FAR2: variants seen among roughly 807,000 people sequenced by gnomAD.
FAR2 encodes the protein fatty acyl-CoA reductase 2.
In FAR2, 19 loss-of-function variants were observed where a neutral mutation model predicts 56.0. That is an observed-to-expected ratio of 0.34 (90% confidence interval 0.24 to 0.50). The LOEUF (loss-of-function observed/expected upper bound fraction) is 0.50. FAR2 is among the 20% of genes least tolerant of loss of function. The pLI, the probability that FAR2 is intolerant of heterozygous loss-of-function variation, is 0.98. For missense variants in FAR2, 508 were observed against 642.2 expected, an observed-to-expected ratio of 0.79 and a Z score of 2.26; for synonymous variants, 219 against 218.8, an observed-to-expected ratio of 1.00 and a Z score of -0.01.
chr12:29,154,561 A>T (rs190645977), intron 1 of FAR2, among the ~76,000 whole-genome samples: 20 of 152,008 alleles, frequency 1.3e-4, no homozygotes, highest in Admixed American at 1.2e-3. Flanking sequence ...CAGCCTCCTG[A>T]GTAGCTGGGA....
At chr12:29,188,058 T>C (rs535625350) in intron 1 of FAR2, among the ~76,000 whole-genome samples, 2 of 152,348 alleles carry the variant, frequency 1.3e-5, no homozygotes, top group East Asian at 3.9e-4. Context: ...TCTCCCATCC[T>C]CATGCTGGCC....
At chr12:29,285,208 T>TGCCC (rs80195190) in intron 2 of FAR2, among the ~76,000 whole-genome samples, 1 of 151,952 alleles carries the variant, frequency 6.6e-6, no homozygotes, top group Non-Finnish European at 1.5e-5. Context: ...TGTTCATGCT[T>TGCCC]CGCTGTATAA....
chr12:29,281,559 GGA>G (rs1948783599), intron 2 of FAR2: 1 of 152,128 alleles, frequency 6.6e-6, no homozygotes, highest in African/African-American at 2.4e-5. Context: ...GAGTAAAGAC[GGA>G]AACTAATGGG....
At chr12:29,180,434 A>C (rs1000882421) in intron 1 of FAR2, among the ~76,000 whole-genome samples, 1 of 152,064 alleles carries the variant, frequency 6.6e-6, no homozygotes, top group Admixed American at 6.6e-5. Context: ...TCAGGGTCCC[A>C]AACTGCCCTC....
chr12:29,300,080 T>G (rs1227193508), intron 4 of FAR2, among the ~76,000 whole-genome samples: 1 of 152,204 alleles, frequency 6.6e-6, no homozygotes, highest in Non-Finnish European at 1.5e-5. Flanking sequence ...ACTGAATGAA[T>G]GAAAAGCTTT....
chr12:29,310,503 A>C (rs1260996668), intron 6 of FAR2, among the ~76,000 whole-genome samples: 1 of 152,200 alleles, frequency 6.6e-6, no homozygotes, highest in Non-Finnish European at 1.5e-5. Context: ...TCCAAGCCAA[A>C]AAAAAAGTTT....
chr12:29,228,361 C>G (rs1157629850), intron 1 of FAR2, among the ~76,000 whole-genome samples: 1 of 151,688 alleles, frequency 6.6e-6, no homozygotes, highest in Non-Finnish European at 1.5e-5. Context: ...AAATGGCACT[C>G]TTTCTTAGAA....
chr12:29,245,216 G>T (rs1477047198), intron 1 of FAR2, among the ~76,000 whole-genome samples: 1 of 152,126 alleles, frequency 6.6e-6, no homozygotes, highest in Admixed American at 6.5e-5. Flanking sequence ...TCTTGACCTC[G>T]TGATCCGCCC....
At chr12:29,324,958 T>C (rs977399401) in intron 10 of FAR2, among the ~76,000 whole-genome samples, 2 of 151,750 alleles carry the variant, frequency 1.3e-5, no homozygotes, top group African/African-American at 4.8e-5. Context: ...GACTGGCAAA[T>C]TGGATAAAGA....
intron 1 of FAR2, among the ~76,000 whole-genome samples, chr12:29,258,362 G>A (rs1056865889): frequency 3.3e-5 from 5 of 151,592 alleles, no homozygotes; most frequent in Non-Finnish European, 5.9e-5. Flanking sequence ...CTCAAAAAAC[G>A]AAACAAAAAA....
At chr12:29,236,274 T>C (rs1179884617) in intron 1 of FAR2, among the ~76,000 whole-genome samples, 2 of 152,270 alleles carry the variant, frequency 1.3e-5, no homozygotes, top group East Asian at 3.9e-4. Context: ...TGCGCTTTTG[T>C]TACTAAACTT....
At chr12:29,275,636 T>C (rs1398151755) in intron 2 of FAR2, among the ~76,000 whole-genome samples, 1 of 152,164 alleles carries the variant, frequency 6.6e-6, no homozygotes, top group Non-Finnish European at 1.5e-5. Context: ...CCCCTGCTTC[T>C]AGTAGGCCAT....
chr12:29,170,998 G>A (rs567550512), intron 1 of FAR2, among the ~76,000 whole-genome samples: 1 of 152,234 alleles, frequency 6.6e-6, no homozygotes, highest in South Asian at 2.1e-4. Context: ...ATTGCAGTAT[G>A]GGCATGTGGG....
At position 29,261,084 on chromosome 12, in the gene FAR2, A is replaced by G. The variant is rs147156908; in HGVS notation, c.-38-9328A>G. 4.7e-3 allele frequency among the ~76,000 whole-genome samples: 718 copies of G among 152,338 alleles called. 2 individuals are homozygous for G. Among genetic ancestry groups the G allele is most frequent in the African/African-American group, 0.016 (681 of 41,568 alleles). On this transcript the variant is annotated intron_variant, in intron 1 of 11. Coordinates refer to ENST00000536681, the MANE Select transcript of FAR2 (RefSeq NM_001271783.2). Reference sequence around the variant, plus strand: ...ATTACAATAAATACCTGATGCTTAAACATCCAGATACCAAAGAACATCCAC... The same window carrying G: ...ATTACAATAAATACCTGATGCTTAAGCATCCAGATACCAAAGAACATCCAC...
chr12:29,155,095 A>G (rs1949716043), intron 1 of FAR2, among the ~76,000 whole-genome samples: 1 of 152,044 alleles, frequency 6.6e-6, no homozygotes, highest in South Asian at 2.1e-4. Flanking sequence ...CAGTCTGATT[A>G]AAAGCAAAAT....
chr12:29,206,134 G>A (rs1947476030), intron 1 of FAR2, among the ~76,000 whole-genome samples: 1 of 152,218 alleles, frequency 6.6e-6, no homozygotes. Flanking sequence ...CAAGGGAATG[G>A]ATGAGGACCA....
At chr12:29,327,477 G>C (rs1402621698) in intron 10 of FAR2, among the ~76,000 whole-genome samples, 1 of 152,122 alleles carries the variant, frequency 6.6e-6, no homozygotes, top group East Asian at 1.9e-4. Flanking sequence ...CAAAACTGGA[G>C]GCATCAGGCT....
chr12:29,311,720 TG>T (rs1949356557), intron 7 of FAR2, among the ~76,000 whole-genome samples, 162 bp from the exon 8 acceptor site: 1 of 150,316 alleles, frequency 6.7e-6, no homozygotes, highest in South Asian at 2.1e-4. Context: ...TCTTCCATTT[TG>T]CTTATTAACC....
chr12:29,210,779 C>T (rs1947536326), intron 1 of FAR2, among the ~76,000 whole-genome samples: 1 of 152,128 alleles, frequency 6.6e-6, no homozygotes, highest in South Asian at 2.1e-4. Context: ...TGCTGGAACC[C>T]CGTCTCTACT....
Sources: allele counts gnomAD v4.1 joint callset (sites outside exome capture counted in the v4.1 genomes callset), GRCh38; gene constraint gnomAD v4.1.1; transcripts MANE v1.5; gene names NCBI Gene and HGNC (gene_info 2026-07-23, HGNC 2026-07-21).